GOLGA8A: variants seen among roughly 807,000 people sequenced by gnomAD.
GOLGA8A encodes golgin subfamily A member 8A.
A neutral mutation model predicts 22.1 loss-of-function variants in GOLGA8A; 3 were observed. That is an observed-to-expected ratio of 0.14 (90% CI 0.06 to 0.35). The LOEUF is 0.35. Among genes scored for constraint, GOLGA8A ranks in the 10% least tolerant of loss-of-function variants. GOLGA8A has a pLI of 1.00. For synonymous variants in GOLGA8A, 7 were observed against 91.7 expected, an observed-to-expected ratio of 0.08 and a Z score of 5.28; for missense variants, 16 against 233.2, an observed-to-expected ratio of 0.07 and a Z score of 6.07.
intron 6 of GOLGA8A, 44 bp downstream of exon 6, chr15:34,400,668 A>C (rs1253400177): frequency 6.8e-6 from 1 of 146,048 alleles, no homozygotes; most frequent in Admixed American, 6.9e-5. Flanking sequence ...ACCCCGTATG[A>C]ATCCATAAAG....
chr15:34,410,634 C>G (rs1469134237), intron 2 of GOLGA8A: 3 of 257,646 alleles, frequency 1.2e-5, no homozygotes, highest in African/African-American at 8.6e-5. Context: ...GCAGAGGGGC[C>G]CTAGAGCAAG....
chr15:34,417,725 C>T (rs542755187), intron 2 of GOLGA8A: 13 of 146,566 alleles, frequency 8.9e-5, no homozygotes, highest in Admixed American at 7.0e-4. Context: ...ATTTCATTTC[C>T]GTACCAATGG....
Position 34,381,225 on chromosome 15 carries a change from G to A in GOLGA8A, c.*186C>T. 1.9e-6 allele frequency: 2 copies of A among 1,041,906 alleles called. No homozygotes were observed. The highest frequency in any genetic ancestry group is 2.8e-6 in the Non-Finnish European group (2 of 721,526). The allele number at this position is 1,041,906 out of a possible 1,614,324, so 64.5% of individuals were successfully genotyped here. A position where few individuals can be genotyped will look rare whatever the true frequency, so the allele number is the denominator to read the frequency against. On this transcript the variant is annotated 3_prime_UTR_variant, in exon 25 of 25. Coordinates refer to ENST00000359187, the MANE Select transcript of GOLGA8A (RefSeq NM_181077.5). ...GAAGGATGCCAGAGTGAACATCAGT[G>A]AGAGCCACAGAGACCCACTCTCTTT... is the stretch of plus-strand genomic sequence containing the variant.
At chr15:34,398,774 ATTCCCACTTGAGG>A (rs1891958569) in intron 7 of GOLGA8A, 45 bp from the exon 8 acceptor site, 1 of 103,998 alleles carries the variant, frequency 9.6e-6, no homozygotes, top group African/African-American at 3.4e-5. Context: ...AGCATTCCTG[ATTCCCACTTGAGG>A]AGGCCTAACA....
rs1489852164 is a variant in GOLGA8A at position 34,426,849 on chromosome 15, G to T, written c.-1123+8534C>A. ...GCCTGAGCCCAGGAGTTCAAGTCCAGCCTAGAGACAACATAGCAACACCTC... is the reference window on the plus strand; with the variant it reads ...GCCTGAGCCCAGGAGTTCAAGTCCATCCTAGAGACAACATAGCAACACCTC... On this transcript the variant is annotated intron_variant, in intron 2 of 24. Transcript: ENST00000359187. Among the ~76,000 whole-genome samples the T allele has an allele frequency of 2.1e-5, 3 of 143,500 alleles. 1 individual carries two copies. Among genetic ancestry groups the T allele is most frequent in the Non-Finnish European group, 4.6e-5 (3 of 65,408 alleles). The allele number at this position is 143,500 out of a possible 152,430, so 94.1% of individuals were successfully genotyped here.
intron 2 of GOLGA8A, among the ~76,000 whole-genome samples, chr15:34,423,711 G>A (rs1892870701): frequency 6.7e-6 from 1 of 148,954 alleles, no homozygotes; most frequent in South Asian, 2.2e-4. Context: ...AAATTTGGTG[G>A]CACGGGCAGC....
intron 2 of GOLGA8A, among the ~76,000 whole-genome samples, chr15:34,431,438 T>C (rs537556519): frequency 6.8e-6 from 1 of 146,736 alleles, no homozygotes; most frequent in East Asian, 2.0e-4. Flanking sequence ...ACGACAGGGA[T>C]GTATTCTGAG....
intron 2 of GOLGA8A, among the ~76,000 whole-genome samples, 169 bp downstream of exon 2, chr15:34,435,214 C>G (rs1595673833): frequency 6.7e-6 from 1 of 149,310 alleles, no homozygotes; most frequent in South Asian, 2.1e-4. Context: ...CCCACTCCAA[C>G]AGCCCTCACT....
At position 34,424,748 on chromosome 15, in the gene GOLGA8A, C is replaced by T. The variant is rs570215495; in HGVS notation, c.-1123+10635G>A. 3.0e-5 allele frequency among the ~76,000 whole-genome samples: 4 copies of T among 132,384 alleles called. No individual in the cohort carries two copies. The East Asian group carries it at 9.2e-4, about 30-fold the overall frequency. 86.8% of individuals were successfully genotyped at this position (132,384 alleles called of 152,430 possible). A position where few individuals can be genotyped will look rare whatever the true frequency, so the allele number is the denominator to read the frequency against. ...CCCCCAACCCCCACCATAAAACCCA[C>T]AGAGCAACCTTAATCAAAATCCCAA... On this transcript the variant is annotated intron_variant, in intron 2 of 24. Transcript: ENST00000359187.
At chr15:34,417,679 AAG>A (rs774560488) in intron 2 of GOLGA8A, 4 of 146,908 alleles carry the variant, frequency 2.7e-5, no homozygotes, top group South Asian at 2.4e-4. Flanking sequence ...TATATTAAAT[AAG>A]ATTATAGTTT....
At chr15:34,434,173 T>G (rs979188461) in intron 2 of GOLGA8A, among the ~76,000 whole-genome samples, 1 of 149,286 alleles carries the variant, frequency 6.7e-6, no homozygotes, top group African/African-American at 2.5e-5. Flanking sequence ...CAGGAGAGCC[T>G]GGAGGGGCCA....
chr15:34,427,991 T>C lies in GOLGA8A; in HGVS notation c.-1123+7392A>G, dbSNP rs560098600. Among the ~76,000 whole-genome samples, 2 of 149,108 alleles carry C rather than the reference T, an allele frequency of 1.3e-5. 1 individual carries two copies. The highest frequency in any genetic ancestry group is 3.0e-5 in the Non-Finnish European group (2 of 67,120). ...ACATGAACTACAGCATAATATTAGA[T>C]GTCTGATTAAAATCATCAAGATGAT... On this transcript the variant is annotated intron_variant, in intron 2 of 24. Transcript: ENST00000359187.
chr15:34,412,783 T>C (rs1202181515), intron 2 of GOLGA8A, among the ~76,000 whole-genome samples: 1 of 143,882 alleles, frequency 7.0e-6, no homozygotes, highest in Non-Finnish European at 1.5e-5. Flanking sequence ...AGGGCTCCTC[T>C]TGCTCTTCTG....
At chr15:34,398,923 A>G (rs1487132781) in intron 7 of GOLGA8A, among the ~76,000 whole-genome samples, 194 bp from the exon 8 acceptor site, 1 of 131,858 alleles carries the variant, frequency 7.6e-6, no homozygotes, top group South Asian at 2.5e-4. Context: ...AGTGGCCTAC[A>G]TGAGCAAATT....
intron 8 of GOLGA8A, among the ~76,000 whole-genome samples, chr15:34,397,345 T>G (rs1891894047): frequency 6.8e-6 from 1 of 147,650 alleles, no homozygotes; most frequent in Non-Finnish European, 1.5e-5. Context: ...TCCTCATCAT[T>G]CCTGGTGGTC....
In GOLGA8A at chr15:34,379,708, A is replaced by ACC. The variant is rs1891383048; in HGVS notation, c.*1702_*1703insGG. 1 of 150,296 alleles carries ACC rather than the reference A, an allele frequency of 6.7e-6. No homozygotes were observed. Among genetic ancestry groups the ACC allele is most frequent in the Non-Finnish European group, 1.5e-5 (1 of 67,240 alleles). The allele number at this position is 150,296 out of a possible 1,614,324, so 9.3% of individuals were successfully genotyped here. On this transcript the variant is annotated 3_prime_UTR_variant, in exon 25 of 25. Coordinates refer to ENST00000359187, the MANE Select transcript of GOLGA8A (RefSeq NM_181077.5). ...TCCCCACCCCAGGGAGCACACCTACATATCTCCCTACAACCTAATAATGTG... is the reference window on the plus strand; with the variant it reads ...TCCCCACCCCAGGGAGCACACCTACACCTATCTCCCTACAACCTAATAATGTG...
rs779613019 is a variant in GOLGA8A at position 34,428,842 on chromosome 15, C to T, written c.-1123+6541G>A. The T allele has an allele frequency of 2.8e-5, 4 of 144,110 alleles. 1 individual carries two copies. Among genetic ancestry groups the T allele is most frequent in the Admixed American group, 1.4e-4 (2 of 14,100 alleles). The allele number at this position is 144,110 out of a possible 1,614,324, so 8.9% of individuals were successfully genotyped here. A position where few individuals can be genotyped will look rare whatever the true frequency, so the allele number is the denominator to read the frequency against. On this transcript the variant is annotated intron_variant, in intron 2 of 24. Transcript: ENST00000359187. The stretch of plus-strand genomic sequence containing the variant: ...CATCACCCTGCAGCGCTGCTGTTCC[C>T]GCTGCTTCTTGGAGAACAGGGGCAA...
intron 2 of GOLGA8A, among the ~76,000 whole-genome samples, chr15:34,433,843 G>A (rs1381057043): frequency 1.3e-5 from 2 of 149,528 alleles, no homozygotes; most frequent in Admixed American, 6.7e-5. Context: ...TGAATGTTGA[G>A]TACTAAGGAG....
chr15:34,427,307 G>T (rs1488870803), intron 2 of GOLGA8A, among the ~76,000 whole-genome samples: 6 of 137,368 alleles, frequency 4.4e-5, no homozygotes, highest in Admixed American at 3.8e-4. Flanking sequence ...CTCCAGCCTG[G>T]GTGACAGAGT....
Sources: allele counts gnomAD v4.1 joint callset (sites outside exome capture counted in the v4.1 genomes callset), GRCh38; gene constraint gnomAD v4.1.1; transcripts MANE v1.5; gene names NCBI Gene and HGNC (gene_info 2026-07-23, HGNC 2026-07-21).